Variants in ATR observed in about 807,000 individuals in gnomAD.
The protein encoded by ATR is serine/threonine-protein kinase ATR.
Under a neutral mutation model 305.3 loss-of-function variants are expected in ATR, and 142 were observed. The observed-to-expected ratio is 0.47, with a 90% CI of 0.41 to 0.53. ATR has a LOEUF of 0.53. ATR is among the 20% of genes least tolerant of loss of function. The pLI is 0.00. For synonymous variants in ATR, 1,050 were observed against 1,068.1 expected, an observed-to-expected ratio of 0.98 and a Z score of 0.33; for missense variants, 2,135 against 3,133.1, an observed-to-expected ratio of 0.68 and a Z score of 7.60.
Position 142,562,917 on chromosome 3 carries a change from C to A in ATR, c.485G>T (p.Arg162Ile). 1 of 1,613,592 alleles carries A rather than the reference C, an allele frequency of 6.2e-7. No homozygotes were observed. The highest frequency in any genetic ancestry group is 8.5e-7 in the Non-Finnish European group (1 of 1,179,862). The change falls in exon 4 of 47, where the codon AGA becomes ATA. Residue 162 changes from arginine (R) to isoleucine (I), a missense_variant. Transcript: ENST00000350721. ...TTCCACAGCATGACCCATCACATTTCTTCTATGGAGGTAAACCAAGTCTTC... is the reference window on the plus strand; with the variant it reads ...TTCCACAGCATGACCCATCACATTTATTCTATGGAGGTAAACCAAGTCTTC... ...LFEDLVYLHRRNVMGHAVEWP... is the reference protein window; with the variant it reads ...LFEDLVYLHRINVMGHAVEWP...
intron 3 of ATR, among the ~76,000 whole-genome samples, chr3:142,565,024 G>A (rs914193912): frequency 1.3e-5 from 2 of 152,228 alleles, no homozygotes; most frequent in East Asian, 3.9e-4. Flanking sequence ...TGGGATTACA[G>A]GCGTGAGACA....
intron 20 of ATR, among the ~76,000 whole-genome samples, chr3:142,535,735 T>C (rs2033832740): frequency 6.6e-6 from 1 of 152,194 alleles, no homozygotes; most frequent in Non-Finnish European, 1.5e-5. Flanking sequence ...CATTTCTATA[T>C]CATGGTTTGT....
At chr3:142,564,116 A>G (rs181677718) in intron 3 of ATR, among the ~76,000 whole-genome samples, 3 of 152,364 alleles carry the variant, frequency 2.0e-5, no homozygotes, top group Admixed American at 1.3e-4. Flanking sequence ...TTTTAGTAAT[A>G]AAGTATTTTT....
intron 19 of ATR, among the ~76,000 whole-genome samples, chr3:142,536,443 A>C (rs1198094597): frequency 3.3e-5 from 5 of 152,218 alleles, no homozygotes; most frequent in Non-Finnish European, 5.9e-5. Context: ...CTCAGCATAC[A>C]AACCCATATA....
At chr3:142,551,656 CA>C (rs1174397266) in intron 13 of ATR, among the ~76,000 whole-genome samples, 7 of 152,154 alleles carry the variant, frequency 4.6e-5, no homozygotes, top group Non-Finnish European at 7.4e-5. Context: ...TTCCTCACAC[CA>C]TATACAAAAA....
chr3:142,557,868 A>G (rs1205361640), intron 8 of ATR, among the ~76,000 whole-genome samples: 1 of 152,192 alleles, frequency 6.6e-6, no homozygotes, highest in Non-Finnish European at 1.5e-5. Context: ...CCTGACCTCA[A>G]GAGATCCGCA....
chr3:142,555,800 C>T (rs2034648158), intron 10 of ATR, 77 bp downstream of exon 10: 2 of 1,487,310 alleles, frequency 1.3e-6, no homozygotes, highest in East Asian at 2.3e-5. Flanking sequence ...TTCAAGGCTT[C>T]AGTCTAATTC....
intron 41 of ATR, among the ~76,000 whole-genome samples, chr3:142,462,902 T>G (rs1481092850): frequency 6.6e-6 from 1 of 152,212 alleles, no homozygotes; most frequent in Non-Finnish European, 1.5e-5. Context: ...GCCTTACATA[T>G]TTCATCTGAT....
In ATR at chr3:142,560,354, T is replaced by C. The variant is rs1312070564; in HGVS notation, c.1450A>G (p.Asn484Asp). 6.2e-7 allele frequency: 1 copy of C among 1,613,764 alleles called. No individual in the cohort carries two copies. Among genetic ancestry groups the C allele is most frequent in the Admixed American group, 1.7e-5 (1 of 60,024 alleles). Residue 484 changes from asparagine (N) to aspartate (D), a missense_variant, in exon 6 of 47, where the codon AAT (asparagine) becomes GAT (aspartate). Around this residue, in one of 9 missense-constraint regions of ATR, gnomAD observed 744 missense variants for 873.2 expected, o/e 0.85. Transcript: ENST00000350721. ...QISLEYSGLK[N>D]PVIEMLEGIA... The stretch of plus-strand genomic sequence containing the variant: ...CCTTCTAACATCTCAATAACAGGAT[T>C]CTTTAGGCCACTGTATTCAAGGGAA...
chr3:142,525,151 T>C (rs1407284245), intron 21 of ATR, among the ~76,000 whole-genome samples: 2 of 152,158 alleles, frequency 1.3e-5, no homozygotes, highest in East Asian at 1.9e-4. Context: ...TGGTAATCAG[T>C]TAAAAGTAAA....
chr3:142,538,666 T>G, intron 18 of ATR, 41 bp from the exon 19 acceptor site: 1 of 1,609,544 alleles, frequency 6.2e-7, no homozygotes, highest in Non-Finnish European at 8.5e-7. Context: ...CAATTACTTT[T>G]ATTATTTGTA....
At chr3:142,507,077 GAC>G (rs2032286790) in intron 28 of ATR, among the ~76,000 whole-genome samples, 1 of 152,168 alleles carries the variant, frequency 6.6e-6, no homozygotes, top group South Asian at 2.1e-4. Flanking sequence ...ATGAACCATA[GAC>G]TTAAAGCTGG....
chr3:142,558,548 A>G, intron 8 of ATR, 76 bp downstream of exon 8: 2 of 1,075,662 alleles, frequency 1.9e-6, no homozygotes, highest in Non-Finnish European at 2.4e-6. Flanking sequence ...ATAAATAAAT[A>G]AATAAATAAA....
intron 28 of ATR, among the ~76,000 whole-genome samples, 169 bp from the exon 29 acceptor site, chr3:142,505,472 T>C (rs1171809512): frequency 6.6e-6 from 1 of 152,188 alleles, no homozygotes; most frequent in Non-Finnish European, 1.5e-5. Context: ...TATAAACTTA[T>C]TTCCAGGCAT....
rs756155865 is a variant in ATR at position 142,512,301 on chromosome 3, C to G, written c.4811G>C (p.Cys1604Ser). Reference protein sequence around the residue: ...HKFQALKAEKCPHSKSNRNKV... With the variant: ...HKFQALKAEKSPHSKSNRNKV... Reference sequence around the variant, plus strand: ...ATTTCTGTTTGATTTGCTGTGTGGACATTTCTCAGCTTTCAGTGCCTGAAA... The same window carrying G: ...ATTTCTGTTTGATTTGCTGTGTGGAGATTTCTCAGCTTTCAGTGCCTGAAA... The change falls in exon 27 of 47, where the codon TGT becomes TCT. Residue 1604 changes from cysteine (C) to serine (S), a missense_variant. Transcript: ENST00000350721. The G allele has an allele frequency of 1.9e-6, 3 of 1,610,104 alleles. No homozygotes were observed. Among genetic ancestry groups the G allele is most frequent in the Non-Finnish European group, 2.5e-6 (3 of 1,178,262 alleles).
Position 142,499,734 on chromosome 3 carries a change from C to T in ATR, c.5289-16G>A, listed in dbSNP as rs373027232. The T allele has an allele frequency of 1.2e-6, 2 of 1,606,636 alleles. No individual in the cohort carries two copies. Among genetic ancestry groups the T allele is most frequent in the African/African-American group, 2.7e-5 (2 of 74,850 alleles). On this transcript the variant is annotated splice_polypyrimidine_tract_variant and intron_variant, in intron 30 of 46. Coordinates refer to ENST00000350721, the MANE Select transcript of ATR (RefSeq NM_001184.4). The stretch of plus-strand genomic sequence containing the variant: ...CCACTCGGACCTATTAAAAGAAACC[C>T]ATATCAACTAAACTTTAATTTATTT...
Position 142,542,773 on chromosome 3 carries a change from A to G in ATR, c.3358-16T>C, listed in dbSNP as rs1418424489. ...AATAATCAGCCTAAGAAATAAAAAC[A>G]GATAATATGTAAGCTTTATACAGAT... On this transcript the variant is annotated splice_polypyrimidine_tract_variant and intron_variant, in intron 16 of 46. Coordinates refer to ENST00000350721, the MANE Select transcript of ATR (RefSeq NM_001184.4). The G allele has an allele frequency of 2.6e-6, 4 of 1,568,110 alleles. No individual in the cohort carries two copies. The African/African-American group carries it at 5.4e-5, about 21-fold the overall frequency.
chr3:142,495,391 C>T lies in ATR; in HGVS notation c.5898+970G>A, dbSNP rs188746974. On this transcript the variant is annotated intron_variant, in intron 34 of 46. Coordinates refer to ENST00000350721, the MANE Select transcript of ATR (RefSeq NM_001184.4). ...GAACATGCTATTATTATTAGTAATG[C>T]CTATTACTAATTCTAAACTGGTGAC... Among the ~76,000 whole-genome samples, 157 of 152,180 alleles carry T rather than the reference C, an allele frequency of 1.0e-3. 1 individual carries two copies. Among genetic ancestry groups the T allele is most frequent in the African/African-American group, 3.6e-3 (149 of 41,500 alleles).
At chr3:142,556,217 A>C in intron 9 of ATR, 78 bp from the exon 10 acceptor site, 1 of 1,553,188 alleles carries the variant, frequency 6.4e-7, no homozygotes, top group South Asian at 1.2e-5. Flanking sequence ...ATTTGGGACA[A>C]AAGTACTGGT....
Sources: allele counts gnomAD v4.1 joint callset (sites outside exome capture counted in the v4.1 genomes callset), GRCh38; gene constraint gnomAD v4.1.1; regional missense constraint gnomAD v4.1.1; transcripts MANE v1.5; gene names NCBI Gene and HGNC (gene_info 2026-07-23, HGNC 2026-07-21).